Variants in NEMP2 observed in about 807,000 individuals in gnomAD.
NEMP2 encodes nuclear envelope integral membrane protein 2.
A neutral mutation model predicts 54.2 loss-of-function variants in NEMP2; 53 were observed. The ratio of observed to expected loss-of-function variants is 0.98; its 90% CI spans 0.78 to 1.23. The LOEUF (loss-of-function observed/expected upper bound fraction) is 1.23. NEMP2 is among the 50% of genes most tolerant of loss of function. The probability of loss-of-function intolerance (pLI) is 0.00; values close to 1 mark genes in which losing one functional copy is unlikely to be tolerated. For synonymous variants in NEMP2, 197 were observed against 190.3 expected, an observed-to-expected ratio of 1.04 and a Z score of -0.29; for missense variants, 455 against 511.3, an observed-to-expected ratio of 0.89 and a Z score of 1.06.
the NEMP2 span, among the ~76,000 whole-genome samples, chr2:190,446,431 C>G: frequency 6.6e-6 from 1 of 152,152 alleles, no homozygotes; most frequent in Admixed American, 6.6e-5. Flanking sequence ...CCTATAGTTC[C>G]AACTGCTACA....
chr2:190,557,086 C>T, the NEMP2 span, among the ~76,000 whole-genome samples: 1 of 152,226 alleles, frequency 6.6e-6, no homozygotes, highest in East Asian at 1.9e-4. Flanking sequence ...TACTACAAGG[C>T]TATAGCAATA....
rs1223268331 is a variant in NEMP2, at chr2:190,512,321, G to T, written c.954-1784C>A. Among the ~76,000 whole-genome samples, 3 of 152,150 alleles carry T rather than the reference G, an allele frequency of 2.0e-5. No individual in the cohort carries two copies. Among genetic ancestry groups the T allele is most frequent in the Non-Finnish European group, 4.4e-5 (3 of 68,026 alleles). ...CAGGTTAAATGAGATATTTTGTGTA[G>T]GGTTCTTAGCACTGTAAGTGGCCTA... On this transcript the variant is annotated intron_variant, in intron 7 of 8. Coordinates refer to ENST00000409150, the MANE Select transcript of NEMP2 (RefSeq NM_001142645.2). The surrounding 1 kb of genome is among the most constrained non-coding windows in gnomAD (Gnocchi z 4.5).
chr2:190,446,671 A>T, the NEMP2 span, among the ~76,000 whole-genome samples: 2 of 152,212 alleles, frequency 1.3e-5, 1 homozygote, highest in East Asian at 3.8e-4. Flanking sequence ...AGAAATTCCA[A>T]GTTGGCCAGA....
the NEMP2 span, among the ~76,000 whole-genome samples, chr2:190,647,707 CTTCTTT>C: frequency 1.1e-5 from 1 of 95,228 alleles, no homozygotes; most frequent in Non-Finnish European, 2.1e-5. Flanking sequence ...TTTTCTTCTT[CTTCTTT>C]TTTTTTTTTT....
At chr2:190,604,802 A>G in the NEMP2 span, among the ~76,000 whole-genome samples, 16,487 of 152,152 alleles carry the variant, frequency 0.11, 1,232 homozygotes, top group African/African-American at 0.2. This position sits in a 1 kb window ranked among gnomAD's most constrained non-coding sequence, Gnocchi z 4.5. Context: ...CTTGGGTCAC[A>G]TTGTCATGCC....
intron 4 of NEMP2, among the ~76,000 whole-genome samples, 192 bp from the exon 5 acceptor site, chr2:190,517,805 AACTC>A (rs1285842713): frequency 6.6e-6 from 1 of 152,238 alleles, no homozygotes; most frequent in Non-Finnish European, 1.5e-5. Context: ...GCTTGCCACT[AACTC>A]AAAACAGAAT....
At chr2:190,580,279 G>A in the NEMP2 span, among the ~76,000 whole-genome samples, 3 of 152,146 alleles carry the variant, frequency 2.0e-5, no homozygotes, top group Admixed American at 6.5e-5. The surrounding 1 kb of genome is among the most constrained non-coding windows in gnomAD (Gnocchi z 5.3). Context: ...AAAATTAAGA[G>A]TATAAAAGGA....
chr2:190,483,032 C>T, the NEMP2 span, among the ~76,000 whole-genome samples: 1 of 151,100 alleles, frequency 6.6e-6, no homozygotes, highest in Non-Finnish European at 1.5e-5. Flanking sequence ...GCTGGGACTA[C>T]AGGCGCCTGC....
the NEMP2 span, among the ~76,000 whole-genome samples, chr2:190,620,118 C>G: frequency 6.6e-6 from 1 of 152,156 alleles, no homozygotes; most frequent in Non-Finnish European, 1.5e-5. The surrounding 1 kb of genome is among the most constrained non-coding windows in gnomAD (Gnocchi z 4.9). Context: ...GAACTAAGCT[C>G]TCAGTTGGAT....
chr2:190,628,739 G>GA, the NEMP2 span: 1 of 152,186 alleles, frequency 6.6e-6, no homozygotes, highest in South Asian at 2.1e-4. This position sits in a 1 kb window ranked among gnomAD's most constrained non-coding sequence, Gnocchi z 4.1. Context: ...AAGAGAGAGA[G>GA]AAAGAAAAAT....
the NEMP2 span, among the ~76,000 whole-genome samples, chr2:190,560,158 T>G: frequency 1.3e-5 from 2 of 152,198 alleles, no homozygotes; most frequent in Non-Finnish European, 2.9e-5. The surrounding 1 kb of genome is among the most constrained non-coding windows in gnomAD (Gnocchi z 5.4). Flanking sequence ...TAAAAACTAC[T>G]TCCATTTCTT....
At chr2:190,565,156 C>T in the NEMP2 span, among the ~76,000 whole-genome samples, 28 of 141,228 alleles carry the variant, frequency 2.0e-4, no homozygotes, top group African/African-American at 6.4e-4. Context: ...GGAGGAAATA[C>T]GAATTTTTTT....
At chr2:190,606,886 T>A in the NEMP2 span, among the ~76,000 whole-genome samples, 1 of 152,318 alleles carries the variant, frequency 6.6e-6, no homozygotes, top group East Asian at 1.9e-4. Context: ...GTGGAGCAAA[T>A]GACCTCTTAT....
chr2:190,626,509 T>C, the NEMP2 span: 1 of 152,160 alleles, frequency 6.6e-6, no homozygotes. This position sits in a 1 kb window ranked among gnomAD's most constrained non-coding sequence, Gnocchi z 4.5. Flanking sequence ...ATAGTAATTT[T>C]GGGTAGTTAA....
At chr2:190,516,448 A>C (rs2125317138) in intron 5 of NEMP2, 64 bp from the exon 6 acceptor site, 1 of 1,204,200 alleles carries the variant, frequency 8.3e-7, no homozygotes, top group East Asian at 2.6e-5. Context: ...AAATAAAAGC[A>C]AACAAATAAA....
the NEMP2 span, among the ~76,000 whole-genome samples, chr2:190,456,446 C>T: frequency 1.3e-5 from 2 of 152,296 alleles, no homozygotes; most frequent in South Asian, 4.1e-4. This position sits in a 1 kb window ranked among gnomAD's most constrained non-coding sequence, Gnocchi z 5.4. Context: ...TGTGGAGCCG[C>T]ATCAGGAATT....
chr2:190,536,994 A>G (rs1691397587), upstream of NEMP2, among the ~76,000 whole-genome samples: 1 of 152,226 alleles, frequency 6.6e-6, no homozygotes, highest in African/African-American at 2.4e-5. Flanking sequence ...AAAAATTAAA[A>G]GACACCCAAA....
the NEMP2 span, among the ~76,000 whole-genome samples, chr2:190,579,111 A>G: frequency 6.6e-6 from 1 of 152,030 alleles, no homozygotes; most frequent in African/African-American, 2.4e-5. Context: ...AGAAATAAAT[A>G]CTTTCCAGTC....
At chr2:190,556,217 A>G in the NEMP2 span, among the ~76,000 whole-genome samples, 1 of 152,376 alleles carries the variant, frequency 6.6e-6, no homozygotes, top group East Asian at 1.9e-4. Context: ...AACAGAACCA[A>G]TGCCAAAAAC....
Sources: allele counts gnomAD v4.1 joint callset (sites outside exome capture counted in the v4.1 genomes callset), GRCh38; gene constraint gnomAD v4.1.1; non-coding constraint Gnocchi (gnomAD v3.1); transcripts MANE v1.5; gene names NCBI Gene and HGNC (gene_info 2026-07-23, HGNC 2026-07-21).